The following TENM3 variants were observed in gnomAD, a reference collection of about 807,000 sequenced individuals.
TENM3 encodes teneurin transmembrane protein 3, also known as teneurin-3.
In TENM3, 63 loss-of-function variants were observed where a neutral mutation model predicts 255.1. The ratio of observed to expected loss-of-function variants is 0.25; its 90% CI spans 0.20 to 0.30. The LOEUF is 0.30. Ranked by LOEUF, TENM3 falls within the 10% of genes least tolerant of loss-of-function variation. The pLI is 1.00. For synonymous variants in TENM3, 1,306 were observed against 1,322.3 expected (o/e 0.99, Z 0.27); for missense variants, 2,929 against 3,461.1 (o/e 0.85, Z 3.86).
At chr4:181,773,507 A>G in the TENM3 span, among the ~76,000 whole-genome samples, 6 of 152,318 alleles carry the variant, frequency 3.9e-5, no homozygotes, top group African/African-American at 7.2e-5. Flanking sequence ...TAAATGCTCT[A>G]TGCGAAGCCC....
intron 2 of TENM3, among the ~76,000 whole-genome samples, chr4:182,326,958 C>T (rs1289442497): frequency 1.3e-5 from 2 of 152,088 alleles, no homozygotes; most frequent in East Asian, 1.9e-4. Flanking sequence ...TGAATGAGGA[C>T]GAGTGTGAGG....
chr4:181,615,010 A>C, the TENM3 span, among the ~76,000 whole-genome samples: 1 of 152,156 alleles, frequency 6.6e-6, no homozygotes. Context: ...TTGGAAATGG[A>C]AGGCAGGGGA....
chr4:181,691,142 CAG>C, the TENM3 span, among the ~76,000 whole-genome samples: 4 of 152,118 alleles, frequency 2.6e-5, no homozygotes, highest in African/African-American at 7.2e-5. Context: ...AATATACACT[CAG>C]AGACTGAATA....
At chr4:182,061,293 G>A in the TENM3 span, among the ~76,000 whole-genome samples, 24 of 152,196 alleles carry the variant, frequency 1.6e-4, no homozygotes, top group Admixed American at 3.3e-4. Flanking sequence ...AGCAGAGTTC[G>A]CATGACTTTG....
At chr4:181,681,864 C>T in the TENM3 span, among the ~76,000 whole-genome samples, 497 of 152,060 alleles carry the variant, frequency 3.3e-3, 2 homozygotes, top group African/African-American at 0.011. Context: ...AAACTCTATA[C>T]CTTTGTTAAT....
At chr4:182,448,989 G>T (rs1580581698) in intron 3 of TENM3, 2 of 400,050 alleles carry the variant, frequency 5.0e-6, no homozygotes, top group Non-Finnish European at 5.0e-6. Flanking sequence ...CGAGCCCGGA[G>T]CCAGGCGCTG....
At chr4:181,766,948 G>A in the TENM3 span, among the ~76,000 whole-genome samples, 1 of 152,016 alleles carries the variant, frequency 6.6e-6, no homozygotes, top group African/African-American at 2.4e-5. Flanking sequence ...AATAGAATCA[G>A]AAATTCAAAA....
chr4:181,473,718 T>C, the TENM3 span, among the ~76,000 whole-genome samples: 1 of 151,712 alleles, frequency 6.6e-6, no homozygotes, highest in Non-Finnish European at 1.5e-5. Context: ...AATATATATC[T>C]CTAGCCATCT....
chr4:182,254,988 G>C (rs926702804), intron 1 of TENM3, among the ~76,000 whole-genome samples: 3 of 152,192 alleles, frequency 2.0e-5, no homozygotes, highest in Non-Finnish European at 4.4e-5. Flanking sequence ...TGGGGAAATA[G>C]TTTGTCTCTA....
chr4:181,516,513 G>T, the TENM3 span, among the ~76,000 whole-genome samples: 1,397 of 152,204 alleles, frequency 9.2e-3, 14 homozygotes, highest in Admixed American at 0.018. Flanking sequence ...GGGCGCGGTG[G>T]CTCACAACTG....
chr4:181,639,050 T>C, the TENM3 span, among the ~76,000 whole-genome samples: 1 of 152,200 alleles, frequency 6.6e-6, no homozygotes, highest in Admixed American at 6.5e-5. Flanking sequence ...GTTTTGCATT[T>C]TTTTTGACTG....
At chr4:181,533,747 A>C in the TENM3 span, among the ~76,000 whole-genome samples, 1 of 152,116 alleles carries the variant, frequency 6.6e-6, no homozygotes, top group Non-Finnish European at 1.5e-5. Flanking sequence ...AAAAAAAAAA[A>C]AAACTTTCAT....
chr4:181,715,456 C>T, the TENM3 span, among the ~76,000 whole-genome samples: 88 of 152,244 alleles, frequency 5.8e-4, no homozygotes, highest in East Asian at 0.015. Flanking sequence ...TACTTAACTT[C>T]CTCTTAGCTG....
rs1757590280 is a variant in TENM3 at position 182,245,677 on chromosome 4, A to G, written c.-76+2201A>G. 2.6e-5 allele frequency among the ~76,000 whole-genome samples: 4 copies of G among 152,280 alleles called. No homozygotes were observed. The South Asian group carries it at 8.3e-4, about 32-fold the overall frequency. ...CTTTTGGAACCAGTTATCCCAGGAT[A>G]TTGACATGTGACACGGCCATAGGAC... On this transcript the variant is annotated intron_variant, in intron 1 of 27. Coordinates refer to ENST00000511685, the MANE Select transcript of TENM3 (RefSeq NM_001080477.4).
the TENM3 span, among the ~76,000 whole-genome samples, chr4:181,856,033 G>GAA: frequency 2.2e-4 from 6 of 27,030 alleles, no homozygotes; most frequent in Non-Finnish European, 5.2e-4. Flanking sequence ...AGGAAGGAAA[G>GAA]GAAGAAGGAA....
the TENM3 span, among the ~76,000 whole-genome samples, chr4:182,070,841 T>C: frequency 6.6e-6 from 1 of 152,184 alleles, no homozygotes; most frequent in African/African-American, 2.4e-5. Context: ...CCTCACTTGC[T>C]ACAATTTGGG....
At chr4:182,074,623 A>G in the TENM3 span, among the ~76,000 whole-genome samples, 1 of 152,240 alleles carries the variant, frequency 6.6e-6, no homozygotes, top group South Asian at 2.1e-4. Flanking sequence ...GATGGAAACT[A>G]CAAGATTAAG....
chr4:181,891,601 AT>A, the TENM3 span, among the ~76,000 whole-genome samples: 1 of 152,000 alleles, frequency 6.6e-6, no homozygotes, highest in Non-Finnish European at 1.5e-5. Context: ...TTCTTTCTTT[AT>A]CCAAATCCTT....
intron 3 of TENM3, among the ~76,000 whole-genome samples, chr4:182,484,328 A>G (rs1734496161): frequency 6.6e-6 from 1 of 152,172 alleles, no homozygotes. Flanking sequence ...GAACCCAGGC[A>G]GTGTGGCTTA....
Sources: gnomAD v4.1 joint callset for allele counts (sites outside exome capture counted in the v4.1 genomes callset) on GRCh38, gnomAD v4.1.1 for gene constraint, MANE v1.5 for transcripts, NCBI Gene and HGNC (gene_info 2026-07-23, HGNC 2026-07-21) for gene names.